PCDHA9: variants seen among roughly 807,000 people sequenced by gnomAD.
PCDHA9 encodes protocadherin alpha 9.
PCDHA9 carries 62 observed loss-of-function variants against 62.0 expected under a neutral mutation model. The observed-to-expected ratio is 1.00, with a 90% CI of 0.81 to 1.23. The LOEUF (loss-of-function observed/expected upper bound fraction) is 1.23, where lower values mean the gene tolerates loss of function less well. PCDHA9 is among the 50% of genes most tolerant of loss of function. The pLI, the probability that PCDHA9 is intolerant of heterozygous loss-of-function variation, is 0.00. For synonymous variants in PCDHA9, 557 were observed against 567.6 expected, an observed-to-expected ratio of 0.98 and a Z score of 0.27; for missense variants, 1,205 against 1,249.8, an observed-to-expected ratio of 0.96 and a Z score of 0.54.
chr5:140,850,687 A>C lies in PCDHA9; in HGVS notation c.2192A>C (p.Glu731Ala), dbSNP rs1159294242. The C allele has an allele frequency of 1.3e-5, 21 of 1,597,676 alleles. 1 individual carries two copies. The highest frequency in any genetic ancestry group is 3.4e-5 in the Admixed American group (2 of 59,228). ...TGCTCGGCGATGCCCACCGAGGGCG[A>C]GTGCGCGCCTGGCAAGCCGACGCTG... The part of the protein sequence containing the change: ...LRCSAMPTEG[E>A]CAPGKPTLVC... The change falls in exon 1 of 4, where the codon GAG becomes GCG. Residue 731 changes from glutamate to alanine, a missense_variant. Glu to Ala is a moderately radical substitution (Grantham distance 107). Around this residue, in one of 3 missense-constraint regions of PCDHA9, gnomAD observed 887 missense variants for 809.5 expected, o/e 1.10. Transcript: ENST00000532602.
chr5:140,858,185 C>T, intron 1 of PCDHA9: 1 of 1,597,454 alleles, frequency 6.3e-7, no homozygotes, highest in South Asian at 1.1e-5. Flanking sequence ...GGTGCTCACG[C>T]TGCTGCTGTA....
chr5:140,883,238 G>C (rs782322627), intron 1 of PCDHA9: 1 of 1,613,886 alleles, frequency 6.2e-7, no homozygotes, highest in African/African-American at 1.3e-5. Context: ...GGAGGCAGTT[G>C]ACAAAGGAAA....
At chr5:140,900,199 G>C (rs1383731759) in intron 1 of PCDHA9, among the ~76,000 whole-genome samples, 1 of 152,172 alleles carries the variant, frequency 6.6e-6, no homozygotes, top group Non-Finnish European at 1.5e-5. Context: ...ATGACATCCA[G>C]TTTCATCCAG....
intron 1 of PCDHA9, among the ~76,000 whole-genome samples, chr5:140,931,965 CAT>C (rs1195736359): frequency 6.6e-6 from 1 of 151,852 alleles, no homozygotes; most frequent in African/African-American, 2.4e-5. Context: ...CATGTTGATG[CAT>C]ATGTGTTTAT....
intron 1 of PCDHA9, among the ~76,000 whole-genome samples, chr5:140,887,041 A>G (rs1166286264): frequency 6.6e-6 from 1 of 152,026 alleles, no homozygotes; most frequent in African/African-American, 2.4e-5. Flanking sequence ...AATATTTTTT[A>G]TAGTGCATAT....
At chr5:141,000,414 TATATATA>T (rs1167743190) in intron 3 of PCDHA9, among the ~76,000 whole-genome samples, 31 of 99,528 alleles carry the variant, frequency 3.1e-4, no homozygotes, top group African/African-American at 9.8e-4. Context: ...TATATATATA[TATATATA>T]TTTTTTTTTT....
Position 141,009,653 on chromosome 5 carries a change from C to T in PCDHA9, c.2569C>T (p.Pro857Ser). ...ACCAGAGGCAGGAGAAGTGTCCCCTCCAGTCGGTGCGGGTGTCAACAGCAA... is the reference window on the plus strand; with the variant it reads ...ACCAGAGGCAGGAGAAGTGTCCCCTTCAGTCGGTGCGGGTGTCAACAGCAA... The part of the protein sequence containing the change: ...PEPEAGEVSP[P>S]VGAGVNSNSW... The change falls in exon 4 of 4, where the codon CCA becomes TCA. Residue 857 changes from proline (P) to serine (S), a missense_variant. Physicochemically the swap from Pro to Ser is moderately conservative, Grantham distance 74. Transcript: ENST00000532602. 1 of 1,613,998 alleles carries T rather than the reference C, an allele frequency of 6.2e-7. No individual in the cohort carries two copies. The highest frequency in any genetic ancestry group is 8.5e-7 in the Non-Finnish European group (1 of 1,179,950).
At chr5:140,963,421 T>C (rs1554226598) in intron 1 of PCDHA9, among the ~76,000 whole-genome samples, 2 of 152,252 alleles carry the variant, frequency 1.3e-5, no homozygotes, top group African/African-American at 4.8e-5. Flanking sequence ...ACAGCATGTT[T>C]AGGAACTAAC....
intron 1 of PCDHA9, among the ~76,000 whole-genome samples, chr5:140,918,314 A>G (rs2078635890): frequency 1.3e-5 from 2 of 152,138 alleles, no homozygotes; most frequent in Admixed American, 1.3e-4. Context: ...TTTTCTAGGT[A>G]TAAAATTATA....
intron 3 of PCDHA9, among the ~76,000 whole-genome samples, chr5:140,983,513 CTG>C (rs1165213074): frequency 6.6e-6 from 1 of 152,196 alleles, no homozygotes; most frequent in Non-Finnish European, 1.5e-5. Context: ...TGCCTAGACA[CTG>C]TGCCAAGTAC....
chr5:140,855,841 TA>T, intron 1 of PCDHA9: 2 of 638,220 alleles, frequency 3.1e-6, no homozygotes, highest in Non-Finnish European at 2.6e-6. Context: ...TACTTACACC[TA>T]AAGCCACCGG....
chr5:140,970,792 C>A (rs1554232742), intron 1 of PCDHA9, among the ~76,000 whole-genome samples: 2 of 152,036 alleles, frequency 1.3e-5, no homozygotes, highest in African/African-American at 4.8e-5. Flanking sequence ...TATGTAATAT[C>A]CATATTGTTA....
chr5:140,950,749 C>G (rs1202993675), intron 1 of PCDHA9, among the ~76,000 whole-genome samples: 5 of 152,002 alleles, frequency 3.3e-5, no homozygotes, highest in African/African-American at 4.8e-5. Flanking sequence ...TTCTCTCTAT[C>G]CTTTCTGGAC....
intron 1 of PCDHA9, among the ~76,000 whole-genome samples, chr5:140,872,003 A>C (rs1314439086): frequency 2.0e-5 from 3 of 152,202 alleles, no homozygotes; most frequent in Non-Finnish European, 2.9e-5. Context: ...GGCTATTTAC[A>C]GGTGACCTGT....
At chr5:141,006,995 A>C (rs1277177404) in intron 3 of PCDHA9, among the ~76,000 whole-genome samples, 1 of 152,208 alleles carries the variant, frequency 6.6e-6, no homozygotes, top group Non-Finnish European at 1.5e-5. Flanking sequence ...TTAAAATATA[A>C]GTCTGCATCT....
At chr5:140,968,133 A>C in intron 1 of PCDHA9, 6 of 1,614,140 alleles carry the variant, frequency 3.7e-6, no homozygotes, top group Non-Finnish European at 5.1e-6. Context: ...CGTACACTGA[A>C]GGTTGAGATC....
intron 1 of PCDHA9, among the ~76,000 whole-genome samples, chr5:140,973,878 A>T (rs1440672302): frequency 6.6e-6 from 1 of 152,214 alleles, no homozygotes; most frequent in African/African-American, 2.4e-5. Context: ...GGTCAGAATA[A>T]TGTCAATTTG....
intron 1 of PCDHA9, chr5:140,858,010 C>T (rs1554151006): frequency 1.3e-6 from 2 of 1,596,376 alleles, no homozygotes; most frequent in South Asian, 1.1e-5. Flanking sequence ...AGGACCATGG[C>T]GAGCCGTCGC....
intron 1 of PCDHA9, among the ~76,000 whole-genome samples, chr5:140,888,871 T>C (rs2062016827): frequency 6.6e-6 from 1 of 152,084 alleles, no homozygotes; most frequent in African/African-American, 2.4e-5. Flanking sequence ...TGTCTCAACA[T>C]AAAAATTAAA....
Sources: allele counts gnomAD v4.1 joint callset (sites outside exome capture counted in the v4.1 genomes callset), GRCh38; gene constraint gnomAD v4.1.1; regional missense constraint gnomAD v4.1.1; transcripts MANE v1.5; gene names NCBI Gene and HGNC (gene_info 2026-07-23, HGNC 2026-07-21).